SDK1: variants seen among roughly 807,000 people sequenced by gnomAD.
SDK1 encodes the protein protein sidekick-1.
SDK1 carries 157 observed loss-of-function variants against 245.5 expected under a neutral mutation model. That is an observed-to-expected ratio of 0.64 (90% CI 0.56 to 0.73). SDK1 has a LOEUF of 0.73. Among genes scored for constraint, SDK1 ranks in the 30% least tolerant of loss-of-function variants. The pLI is 0.00. For missense variants in SDK1, 3,583 were observed against 3,002.3 expected, an observed-to-expected ratio of 1.19 and a Z score of -4.52; for synonymous variants, 1,647 against 1,278.5, an observed-to-expected ratio of 1.29 and a Z score of -6.15.
intron 1 of SDK1, among the ~76,000 whole-genome samples, chr7:3,567,739 G>A: frequency 6.6e-6 from 1 of 152,068 alleles, no homozygotes; most frequent in East Asian, 1.9e-4. Flanking sequence ...CAGGCTAGAG[G>A]GCTGTGCCTT....
At chr7:3,582,980 C>T (rs1019498653) in intron 1 of SDK1, among the ~76,000 whole-genome samples, 11 of 152,170 alleles carry the variant, frequency 7.2e-5, no homozygotes, top group African/African-American at 1.9e-4. Context: ...TCTAGAACTC[C>T]GAAGTGTGCT....
At chr7:3,409,345 T>C (rs1006650026) in intron 1 of SDK1, among the ~76,000 whole-genome samples, 1 of 151,666 alleles carries the variant, frequency 6.6e-6, no homozygotes, top group Admixed American at 6.6e-5. Flanking sequence ...AACAATACTC[T>C]TGGTTAACCT....
intron 1 of SDK1, among the ~76,000 whole-genome samples, chr7:3,470,905 C>G (rs910397077): frequency 6.6e-6 from 1 of 152,148 alleles, no homozygotes; most frequent in African/African-American, 2.4e-5. Context: ...AATTCAGAAG[C>G]TGTTTAATAT....
intron 4 of SDK1, among the ~76,000 whole-genome samples, chr7:3,654,169 G>C (rs1244275606): frequency 6.6e-6 from 1 of 152,130 alleles, no homozygotes. Flanking sequence ...TTCTGTAAAT[G>C]TCACACTGCT....
intron 42 of SDK1, among the ~76,000 whole-genome samples, chr7:4,240,294 C>CG (rs1786437440): frequency 6.6e-6 from 1 of 152,018 alleles, no homozygotes; most frequent in Non-Finnish European, 1.5e-5. Context: ...TAATTGAAGC[C>CG]GGGAAAAAAT....
intron 5 of SDK1, among the ~76,000 whole-genome samples, chr7:3,860,498 T>C (rs773824865): frequency 6.6e-6 from 1 of 152,206 alleles, no homozygotes; most frequent in Non-Finnish European, 1.5e-5. Context: ...TTTAAGAAGT[T>C]TGATAATATC....
chr7:4,257,953 G>C (rs979818484), intron 44 of SDK1, among the ~76,000 whole-genome samples: 1 of 151,654 alleles, frequency 6.6e-6, no homozygotes, highest in African/African-American at 2.4e-5. Flanking sequence ...GGGAAGAACT[G>C]CTTCCTTCAA....
chr7:4,167,031 C>T (rs991779580), intron 32 of SDK1, among the ~76,000 whole-genome samples: 1 of 152,184 alleles, frequency 6.6e-6, no homozygotes, highest in Admixed American at 6.5e-5. Flanking sequence ...TGGGTCTTCC[C>T]CAGACCATTG....
At chr7:3,516,902 G>T (rs1283705181) in intron 1 of SDK1, among the ~76,000 whole-genome samples, 1 of 152,090 alleles carries the variant, frequency 6.6e-6, no homozygotes, top group African/African-American at 2.4e-5. Context: ...CATTTCAAGG[G>T]TATTAAGTGC....
At chr7:3,509,067 G>C (rs1300210434) in intron 1 of SDK1, among the ~76,000 whole-genome samples, 1 of 143,516 alleles carries the variant, frequency 7.0e-6, no homozygotes, top group East Asian at 2.1e-4. Flanking sequence ...AGGAAGGTGG[G>C]GTGTGTGTGT....
intron 4 of SDK1, chr7:3,643,209 A>G (rs1782707431): frequency 6.8e-6 from 1 of 146,420 alleles, no homozygotes; most frequent in African/African-American, 2.6e-5. Context: ...CTTGTCTCCC[A>G]CCCCTACCTG....
chr7:3,802,206 G>A (rs972446412), intron 4 of SDK1, among the ~76,000 whole-genome samples: 13 of 152,022 alleles, frequency 8.6e-5, no homozygotes, highest in African/African-American at 2.7e-4. Context: ...TTTACTACAT[G>A]TGCAGATGTG....
At chr7:3,398,097 G>A (rs1298874055) in intron 1 of SDK1, among the ~76,000 whole-genome samples, 2 of 151,818 alleles carry the variant, frequency 1.3e-5, no homozygotes, top group African/African-American at 2.4e-5. Context: ...TATAACTGTA[G>A]GTTTAACGTT....
intron 13 of SDK1, among the ~76,000 whole-genome samples, chr7:3,984,991 T>A (rs1033277013): frequency 6.6e-6 from 1 of 152,008 alleles, no homozygotes; most frequent in African/African-American, 2.4e-5. Flanking sequence ...CCTCCCAGAG[T>A]TGAATCACTG....
At chr7:3,817,870 G>C (rs1486444196) in intron 4 of SDK1, among the ~76,000 whole-genome samples, 1 of 152,196 alleles carries the variant, frequency 6.6e-6, no homozygotes, top group Non-Finnish European at 1.5e-5. Flanking sequence ...CTTAGCGAGT[G>C]CTCACTGGAA....
intron 5 of SDK1, among the ~76,000 whole-genome samples, chr7:3,914,342 G>C (rs1055357351): frequency 3.3e-5 from 5 of 152,212 alleles, no homozygotes; most frequent in Non-Finnish European, 5.9e-5. Context: ...AAATCAGGAG[G>C]GGGCAAAGAT....
intron 1 of SDK1, among the ~76,000 whole-genome samples, chr7:3,316,232 T>G (rs1369810757): frequency 6.6e-6 from 1 of 152,212 alleles, no homozygotes; most frequent in Non-Finnish European, 1.5e-5. Flanking sequence ...AGTGACAGAC[T>G]GCATATATAA....
Position 3,962,789 on chromosome 7 carries a change from T to C in SDK1, c.1367T>C (p.Phe456Ser), listed in dbSNP as rs761583929. 1 of 1,613,696 alleles carries C rather than the reference T, an allele frequency of 6.2e-7. No individual in the cohort carries two copies. Among genetic ancestry groups the C allele is most frequent in the Non-Finnish European group, 8.5e-7 (1 of 1,179,858 alleles). Residue 456 changes from phenylalanine (F) to serine (S), a missense_variant, in exon 9 of 45, where the codon TTC (phenylalanine) becomes TCC (serine). Transcript: ENST00000404826. ...CTGCGTCCAGAGGACTCCGGAATCT[T>C]CCAGTGCTTCGCCAGCAATGAAGGA... ...QKLRPEDSGI[F>S]QCFASNEGGE...
At position 3,612,858 on chromosome 7, in the gene SDK1, T is replaced by A. The variant is rs145088099; in HGVS notation, c.299-6222T>A. On this transcript the variant is annotated intron_variant, in intron 1 of 44. Transcript: ENST00000404826. ...GCTGATTATGATGGCTTAATACAGC[T>A]CATCGTCACTTCACCGGGACACGTG... Among the ~76,000 whole-genome samples, 107 of 152,274 alleles carry A rather than the reference T, an allele frequency of 7.0e-4. 1 individual carries two copies. The East Asian group carries it at 0.02, about 28-fold the overall frequency.
Sources: allele counts gnomAD v4.1 joint callset (sites outside exome capture counted in the v4.1 genomes callset), GRCh38; gene constraint gnomAD v4.1.1; transcripts MANE v1.5; gene names NCBI Gene and HGNC (gene_info 2026-07-23, HGNC 2026-07-21).